SLC3A1: variants seen among roughly 807,000 people sequenced by gnomAD.
SLC3A1 encodes solute carrier family 3 member 1.
In SLC3A1, 78 loss-of-function variants were observed where a neutral mutation model predicts 60.3. The observed-to-expected ratio is 1.29, with a 90% CI of 1.08 to 1.56. The LOEUF (loss-of-function observed/expected upper bound fraction) is 1.56, where lower values mean the gene tolerates loss of function less well. Ranked by LOEUF, SLC3A1 falls within the 40% of genes most tolerant of loss-of-function variation. The pLI is 0.00. For synonymous variants in SLC3A1, 392 were observed against 307.9 expected (o/e 1.27, Z -2.86); for missense variants, 1,172 against 858.9 (o/e 1.36, Z -4.56).
At chr2:44,309,241 C>G (rs972108267) in intron 7 of SLC3A1, among the ~76,000 whole-genome samples, 2 of 152,152 alleles carry the variant, frequency 1.3e-5, no homozygotes, top group African/African-American at 4.8e-5. Context: ...CCCTGATATC[C>G]TCCATTCTAT....
At chr2:44,305,928 C>T (rs566083116) in intron 7 of SLC3A1, among the ~76,000 whole-genome samples, 19 of 152,182 alleles carry the variant, frequency 1.2e-4, no homozygotes, top group South Asian at 4.2e-4. Flanking sequence ...CTATAGCACC[C>T]GTTCATTCTC....
intron 9 of SLC3A1, chr2:44,317,815 C>T (rs371137180): frequency 3.1e-5 from 5 of 159,110 alleles, no homozygotes; most frequent in African/African-American, 9.7e-5. Flanking sequence ...ATAGGGCTTC[C>T]GAATTATGTC....
intron 3 of SLC3A1, among the ~76,000 whole-genome samples, chr2:44,281,802 A>C (rs1312613237): frequency 6.6e-6 from 1 of 151,986 alleles, no homozygotes. Context: ...CCCTTCCTTC[A>C]CTTCCTACCC....
At position 44,281,464 on chromosome 2, in the gene SLC3A1, A is replaced by T. The variant is rs768273007; in HGVS notation, c.688A>T (p.Thr230Ser). The change falls in exon 3 of 10, where the codon ACA (threonine) becomes TCA (serine). Residue 230 changes from threonine (T) to serine (S), a missense_variant. Thr to Ser is a moderately conservative substitution (Grantham distance 58). Coordinates refer to ENST00000260649, the MANE Select transcript of SLC3A1 (RefSeq NM_000341.4). ...TTGGTTTCAATTGAGTCGGACACGG[A>T]CAGGAAAATATACTGATTATTATAT... is the stretch of plus-strand genomic sequence containing the variant. The part of the protein sequence containing the change: ...HIWFQLSRTR[T>S]GKYTDYYIWH... 2.5e-6 allele frequency: 4 copies of T among 1,613,680 alleles called. No homozygotes were observed. The African/African-American group carries it at 5.3e-5, about 22-fold the overall frequency.
At chr2:44,315,573 C>T (rs559387550) in intron 9 of SLC3A1, among the ~76,000 whole-genome samples, 10 of 141,734 alleles carry the variant, frequency 7.1e-5, no homozygotes, top group Non-Finnish European at 7.5e-5. Context: ...ACTCAGGAGG[C>T]TGAGCCCAAG....
intron 6 of SLC3A1, among the ~76,000 whole-genome samples, chr2:44,301,824 G>A (rs949555385): frequency 7.2e-5 from 11 of 152,044 alleles, no homozygotes; most frequent in African/African-American, 2.7e-4. Flanking sequence ...AGCACTGTGT[G>A]AGGTCGAGGC....
rs552971260 is a variant in SLC3A1 at position 44,278,389 on chromosome 2, A to G, written c.431-2327A>G. ...CGTGAACCCAGGAGGCGGAGGTTGC[A>G]GTGAGCTAAGATCGCACCACTGCAC... On this transcript the variant is annotated intron_variant, in intron 1 of 9. Coordinates refer to ENST00000260649, the MANE Select transcript of SLC3A1 (RefSeq NM_000341.4). Among the ~76,000 whole-genome samples, 9 of 152,246 alleles carry G rather than the reference A, an allele frequency of 5.9e-5. No individual in the cohort carries two copies. In the East Asian group the frequency reaches 9.6e-4, roughly 16 times the overall value.
chr2:44,280,018 A>G (rs1390155977), intron 1 of SLC3A1, among the ~76,000 whole-genome samples: 1 of 152,176 alleles, frequency 6.6e-6, no homozygotes, highest in Non-Finnish European at 1.5e-5. Flanking sequence ...AGAACAGTGC[A>G]GTGTAGACCA....
intron 4 of SLC3A1, among the ~76,000 whole-genome samples, chr2:44,292,372 T>C (rs377696929): frequency 1.2e-4 from 19 of 152,286 alleles, no homozygotes; most frequent in African/African-American, 3.4e-4. Context: ...ATAATAATAA[T>C]TGTGCCATTT....
In SLC3A1 at chr2:44,275,943, G is replaced by C; in HGVS notation, c.408G>C (p.Lys136Asn). Residue 136 changes from lysine to asparagine, a missense_variant, in exon 1 of 10, where the codon AAG (lysine) becomes AAC (asparagine). Coordinates refer to ENST00000260649, the MANE Select transcript of SLC3A1 (RefSeq NM_000341.4). ...IYPRSFKDSN[K>N]DGNGDLKGIQ... Reference sequence around the variant, plus strand: ...CAAGGTCTTTCAAGGACAGTAACAAGGATGGGAACGGAGATCTGAAAGGTA... The same window carrying C: ...CAAGGTCTTTCAAGGACAGTAACAACGATGGGAACGGAGATCTGAAAGGTA... The C allele has an allele frequency of 6.2e-7, 1 of 1,614,198 alleles. No homozygotes were observed. The highest frequency in any genetic ancestry group is 8.5e-7 in the Non-Finnish European group (1 of 1,180,014).
At position 44,313,929 on chromosome 2, in the gene SLC3A1, A is replaced by G; in HGVS notation, c.1595A>G (p.Asp532Gly). 6.2e-7 allele frequency: 1 copy of G among 1,614,072 alleles called. No individual in the cohort carries two copies. Reference sequence around the variant, plus strand: ...AACACCTGGTTACCTACCAATTCAGATTACCACACTGTGAATGTTGATGTA... The same window carrying G: ...AACACCTGGTTACCTACCAATTCAGGTTACCACACTGTGAATGTTGATGTA... ...ASNTWLPTNS[D>G]YHTVNVDVQK... is the part of the protein sequence containing the mutation. Residue 532 changes from aspartate to glycine, a missense_variant, in exon 9 of 10, where the codon GAT becomes GGT. Asp to Gly is a moderately conservative substitution (Grantham distance 94, BLOSUM62 -1). Transcript: ENST00000260649.
At chr2:44,279,003 ATT>A (rs111937406) in intron 1 of SLC3A1, among the ~76,000 whole-genome samples, 2 of 144,984 alleles carry the variant, frequency 1.4e-5, no homozygotes, top group Non-Finnish European at 1.5e-5. Flanking sequence ...TATATTTATT[ATT>A]TTTTTTTTTT....
chr2:44,294,590 T>C (rs1045422034), intron 4 of SLC3A1, among the ~76,000 whole-genome samples: 1 of 152,164 alleles, frequency 6.6e-6, no homozygotes, highest in African/African-American at 2.4e-5. Flanking sequence ...TACTATGTTA[T>C]TGATGGAGAC....
Position 44,320,754 on chromosome 2 carries a change from G to A in SLC3A1, c.*115G>A, listed in dbSNP as rs997845021. On this transcript the variant is annotated 3_prime_UTR_variant, in exon 10 of 10. Transcript: ENST00000260649. ...CAATCATTAATTCTTCGATATTTCT[G>A]TAGCTTGAATGTAACTGCTTTAAGA... 33 of 875,740 alleles carry A rather than the reference G, an allele frequency of 3.8e-5. No individual in the cohort carries two copies. Among genetic ancestry groups the A allele is most frequent in the African/African-American group, 5.0e-5 (3 of 60,170 alleles). The allele number at this position is 875,740 out of a possible 1,614,324, so 54.2% of individuals were successfully genotyped here. A position where few individuals can be genotyped will look rare whatever the true frequency, so the allele number is the denominator to read the frequency against.
chr2:44,293,490 C>T (rs1238932027), intron 4 of SLC3A1, among the ~76,000 whole-genome samples: 1 of 150,794 alleles, frequency 6.6e-6, no homozygotes, highest in African/African-American at 2.4e-5. Context: ...GCACTCCAGC[C>T]TGGGCAACAG....
intron 7 of SLC3A1, among the ~76,000 whole-genome samples, chr2:44,304,949 G>A (rs1672116611): frequency 1.3e-5 from 2 of 150,482 alleles, no homozygotes; most frequent in African/African-American, 2.4e-5. Flanking sequence ...AGCCTCCTGA[G>A]TAGCTGGGAC....
rs1022077340 is a variant in SLC3A1, at chr2:44,300,109, C to T, written c.1011+19C>T. On this transcript the variant is annotated intron_variant, in intron 5 of 9. Coordinates refer to ENST00000260649, the MANE Select transcript of SLC3A1 (RefSeq NM_000341.4). The stretch of plus-strand genomic sequence containing the variant: ...AATCCCGGTAAAGTTTTATTTTAAA[C>T]GTTTTTCTTTTGCCTTTTCTGAAAA... 15 of 1,612,762 alleles carry T rather than the reference C, an allele frequency of 9.3e-6. No individual in the cohort carries two copies. Among genetic ancestry groups the T allele is most frequent in the African/African-American group, 1.3e-5 (1 of 74,862 alleles).
intron 4 of SLC3A1, among the ~76,000 whole-genome samples, chr2:44,286,720 G>C (rs1259589222): frequency 6.8e-6 from 1 of 147,714 alleles, no homozygotes; most frequent in African/African-American, 2.5e-5. Context: ...CGGTGTCTGT[G>C]ACTGAGCTGT....
At chr2:44,295,132 C>T (rs1214490484) in intron 4 of SLC3A1, among the ~76,000 whole-genome samples, 2 of 152,148 alleles carry the variant, frequency 1.3e-5, no homozygotes, top group African/African-American at 4.8e-5. Context: ...CCCCAAATGT[C>T]AGCCATCTGA....
Sources: gnomAD v4.1 joint callset for allele counts (sites outside exome capture counted in the v4.1 genomes callset) on GRCh38, gnomAD v4.1.1 for gene constraint, MANE v1.5 for transcripts, NCBI Gene and HGNC (gene_info 2026-07-23, HGNC 2026-07-21) for gene names.